Variants in PICALM observed in about 807,000 individuals in gnomAD.
PICALM encodes the protein phosphatidylinositol-binding clathrin assembly protein.
In PICALM, 40 loss-of-function variants were observed where a neutral mutation model predicts 80.5. The observed-to-expected ratio is 0.50, with a 90% CI of 0.39 to 0.65. The LOEUF (loss-of-function observed/expected upper bound fraction) is 0.65. Among genes scored for constraint, PICALM ranks in the 30% least tolerant of loss-of-function variants. PICALM has a pLI of 0.00. For synonymous variants in PICALM, 288 were observed against 260.3 expected (o/e 1.11, Z -1.02); for missense variants, 676 against 778.9 (o/e 0.87, Z 1.57).
At chr11:85,985,486 TCAAAGA>T (rs2135788342) in intron 13 of PICALM, among the ~76,000 whole-genome samples, 1 of 152,254 alleles carries the variant, frequency 6.6e-6, no homozygotes, top group South Asian at 2.1e-4. Flanking sequence ...TACTATTAAG[TCAAAGA>T]CATTGGTCAT....
At chr11:85,968,725 C>T (rs1007364166) in intron 19 of PICALM, among the ~76,000 whole-genome samples, 8 of 151,946 alleles carry the variant, frequency 5.3e-5, no homozygotes, top group Non-Finnish European at 8.8e-5. Flanking sequence ...GCAATCTGTA[C>T]CAAGTAACCA....
chr11:86,028,066 A>G (rs2095680409), intron 2 of PICALM, among the ~76,000 whole-genome samples: 1 of 152,228 alleles, frequency 6.6e-6, no homozygotes, highest in African/African-American at 2.4e-5. Context: ...TCATGATTTT[A>G]GAGATAATAA....
intron 1 of PICALM, among the ~76,000 whole-genome samples, chr11:86,050,112 G>A (rs994991688): frequency 4.0e-5 from 6 of 150,186 alleles, no homozygotes; most frequent in African/African-American, 1.5e-4. Context: ...GGCTAAGGCA[G>A]GATAACTCCT....
Position 85,981,968 on chromosome 11 carries a change from C to A in PICALM, c.1552G>T (p.Val518Leu). ...DELGGLLKPT[V>L]ASQNQNLPVA... is the part of the protein sequence containing the mutation. ...GGAAGGTTCTGGTTCTGAGAGGCCA[C>A]TGTTGGTTTGAGAAGTCCACCTAGT... is the stretch of plus-strand genomic sequence containing the variant. The change falls in exon 15 of 20, where the codon GTG (valine) becomes TTG (leucine). Residue 518 changes from valine (V) to leucine (L), a missense_variant. By Grantham distance (32) the Val-to-Leu change is conservative (BLOSUM62 1). This residue lies in a region of PICALM where 391 missense variants were observed against 383.6 expected (regional missense o/e 1.02). Transcript: ENST00000393346. 1 of 1,613,134 alleles carries A rather than the reference C, an allele frequency of 6.2e-7. No homozygotes were observed. The highest frequency in any genetic ancestry group is 8.5e-7 in the Non-Finnish European group (1 of 1,179,074).
At chr11:86,022,912 T>C (rs535947987) in intron 3 of PICALM, among the ~76,000 whole-genome samples, 2 of 152,272 alleles carry the variant, frequency 1.3e-5, no homozygotes, top group East Asian at 1.9e-4. Context: ...ATAACTTGTA[T>C]GTGCCAACCT....
At chr11:85,983,016 A>G (rs2094488145) in intron 14 of PICALM, among the ~76,000 whole-genome samples, 1 of 152,196 alleles carries the variant, frequency 6.6e-6, no homozygotes, top group African/African-American at 2.4e-5. Context: ...TTCCCAGGCA[A>G]GACAAACTAA....
At chr11:86,053,364 TC>T (rs1284659401) in intron 1 of PICALM, among the ~76,000 whole-genome samples, 1 of 152,254 alleles carries the variant, frequency 6.6e-6, no homozygotes, top group African/African-American at 2.4e-5. Flanking sequence ...TCAGACTATG[TC>T]TGGATGTCAC....
intron 1 of PICALM, among the ~76,000 whole-genome samples, chr11:86,038,503 C>T (rs1193508440): frequency 6.6e-6 from 1 of 152,054 alleles, no homozygotes; most frequent in Non-Finnish European, 1.5e-5. Flanking sequence ...AAAGTCCTGG[C>T]CGGGCACGGT....
At chr11:85,970,886 A>G (rs908421989) in intron 19 of PICALM, among the ~76,000 whole-genome samples, 4 of 152,236 alleles carry the variant, frequency 2.6e-5, no homozygotes, top group African/African-American at 9.6e-5. Flanking sequence ...GATTGTTCCA[A>G]TATTTACAAA....
At chr11:86,032,918 A>G (rs1478421971) in intron 1 of PICALM, among the ~76,000 whole-genome samples, 1 of 152,208 alleles carries the variant, frequency 6.6e-6, no homozygotes, top group Non-Finnish European at 1.5e-5. Context: ...CAATTATTAT[A>G]TAAGTTAATA....
chr11:86,020,425 A>G (rs866422900), intron 4 of PICALM, among the ~76,000 whole-genome samples: 637 of 40,138 alleles, frequency 0.016, 1 homozygote, highest in African/African-American at 0.053. Flanking sequence ...CAATCTTGGG[A>G]AAAAAAAAAA....
intron 1 of PICALM, among the ~76,000 whole-genome samples, chr11:86,036,612 C>T (rs1306891919): frequency 6.6e-6 from 1 of 152,018 alleles, no homozygotes; most frequent in Non-Finnish European, 1.5e-5. Flanking sequence ...AGCTAAGGGA[C>T]CTAATTCATA....
intron 1 of PICALM, among the ~76,000 whole-genome samples, chr11:86,053,929 T>C (rs1417557212): frequency 3.3e-5 from 5 of 152,164 alleles, no homozygotes; most frequent in Non-Finnish European, 1.5e-5. Flanking sequence ...TGACAATATA[T>C]CATTTTCAGA....
Position 85,990,319 on chromosome 11 carries a change from CATCACCACTACT to C in PICALM, c.1327_1338del (p.Ser443_Asp446del), listed in dbSNP as rs1191635800. On this transcript the variant is annotated inframe_deletion, in exon 13 of 20. Coordinates refer to ENST00000393346, the MANE Select transcript of PICALM (RefSeq NM_007166.4). ...ACATCTGAAGAAATGGAAAGGTGAA[CATCACCACTACT>C]TTTTGTGAGGAAAGGATTTAAGCTT... 1 of 1,603,644 alleles carries C rather than the reference CATCACCACTACT, an allele frequency of 6.2e-7. No individual in the cohort carries two copies. The highest frequency in any genetic ancestry group is 1.7e-5 in the Admixed American group (1 of 59,928).
chr11:86,012,616 T>C (rs992229601), intron 5 of PICALM, among the ~76,000 whole-genome samples: 3 of 152,214 alleles, frequency 2.0e-5, no homozygotes, highest in Non-Finnish European at 4.4e-5. Flanking sequence ...ATAATTGTAT[T>C]TATTTGACTA....
intron 7 of PICALM, among the ~76,000 whole-genome samples, chr11:86,009,195 A>G (rs1370482561): frequency 7.1e-6 from 1 of 141,724 alleles, no homozygotes. Flanking sequence ...CAGGAAGCTG[A>G]GGCAGGAGAA....
chr11:85,986,608 T>C (rs1273920796), intron 13 of PICALM, among the ~76,000 whole-genome samples: 1 of 151,844 alleles, frequency 6.6e-6, no homozygotes, highest in East Asian at 1.9e-4. Context: ...GCCAGGATGG[T>C]CTCGATCTCC....
intron 1 of PICALM, among the ~76,000 whole-genome samples, chr11:86,037,527 G>C (rs886619622): frequency 6.6e-6 from 1 of 151,158 alleles, no homozygotes; most frequent in Admixed American, 6.6e-5. Context: ...CAAAGTGCTG[G>C]GATTACAGGC....
At chr11:85,964,142 C>T (rs759322764) in intron 19 of PICALM, among the ~76,000 whole-genome samples, 2 of 152,048 alleles carry the variant, frequency 1.3e-5, no homozygotes, top group Non-Finnish European at 2.9e-5. Context: ...CATCAACAAT[C>T]TCAGAAAGTG....
Sources: allele counts gnomAD v4.1 joint callset (sites outside exome capture counted in the v4.1 genomes callset), GRCh38; gene constraint gnomAD v4.1.1; regional missense constraint gnomAD v4.1.1; transcripts MANE v1.5; gene names NCBI Gene and HGNC (gene_info 2026-07-23, HGNC 2026-07-21).